APOL2: variants seen among roughly 807,000 people sequenced by gnomAD.
APOL2 encodes apolipoprotein L, 2.
APOL2 carries 8 observed loss-of-function variants against 7.1 expected under a neutral mutation model. The ratio of observed to expected loss-of-function variants is 1.12; its 90% confidence interval spans 0.66 to 2.03. The LOEUF is 2.03. APOL2 is among the 30% of genes most tolerant of loss of function. The probability of loss-of-function intolerance (pLI) is 0.00; values close to 1 mark genes in which losing one functional copy is unlikely to be tolerated. For synonymous variants in APOL2, 177 were observed against 159.9 expected, an observed-to-expected ratio of 1.11 and a Z score of -0.81; for missense variants, 471 against 415.1, an observed-to-expected ratio of 1.13 and a Z score of -1.17.
intron 4 of APOL2, among the ~76,000 whole-genome samples, chr22:36,229,253 C>A (rs1372766359): frequency 2.0e-5 from 3 of 152,212 alleles, no homozygotes; most frequent in African/African-American, 7.2e-5. Flanking sequence ...GAACCCCCCA[C>A]TCTGGCGTCT....
At chr22:36,239,687 G>A (rs2015537605), upstream of APOL2, 3 of 595,772 alleles carry the variant, frequency 5.0e-6, no homozygotes, top group Non-Finnish European at 9.0e-6. Flanking sequence ...GCACTTAGAG[G>A]AGCAGCCGCA....
intron 4 of APOL2, among the ~76,000 whole-genome samples, chr22:36,230,641 A>C (rs1410801627): frequency 2.0e-5 from 3 of 151,950 alleles, no homozygotes; most frequent in Non-Finnish European, 4.4e-5. Context: ...CCCACCTTTG[A>C]CCTGGAGTTG....
chr22:36,235,756 G>GGTGTGTGTGTGTGTGT (rs869225053), intron 1 of APOL2, among the ~76,000 whole-genome samples: 2 of 113,116 alleles, frequency 1.8e-5, no homozygotes, highest in Middle Eastern at 4.3e-3. Context: ...TGGGTGGGTG[G>GGTGTGTGTGTGTGTGT]GTGTGTGTGT....
chr22:36,229,259 C>T (rs540623898), intron 4 of APOL2, among the ~76,000 whole-genome samples: 7 of 152,292 alleles, frequency 4.6e-5, no homozygotes, highest in East Asian at 3.9e-4. Context: ...CCCACTCTGG[C>T]GTCTCCTGTC....
Position 36,239,502 on chromosome 22 carries a change from C to T in APOL2, c.-195G>A. The T allele has an allele frequency of 6.3e-7, 1 of 1,586,160 alleles. No individual in the cohort carries two copies. The highest frequency in any genetic ancestry group is 8.5e-7 in the Non-Finnish European group (1 of 1,172,956). ...CAACTGTTCTGAGCTGTGTGGATCCCACGTCCAGCTGTGCATCTGTGTAAT... is the reference window on the plus strand; with the variant it reads ...CAACTGTTCTGAGCTGTGTGGATCCTACGTCCAGCTGTGCATCTGTGTAAT... On this transcript the variant is annotated 5_prime_UTR_variant, in exon 1 of 5. An upstream open reading frame in the 5' UTR gains an earlier in-frame stop. Transcript: ENST00000358502.
Position 36,239,190 on chromosome 22 carries a change from C to T in APOL2, c.-134+251G>A, listed in dbSNP as rs150997502. ...GAGGGTGTCAGAACCAGAGCTGAGCCCGGGGAGCTTTGTGAACCCATCTAA... is the reference window on the plus strand; with the variant it reads ...GAGGGTGTCAGAACCAGAGCTGAGCTCGGGGAGCTTTGTGAACCCATCTAA... On this transcript the variant is annotated intron_variant, in intron 1 of 4. Transcript: ENST00000358502. 10,091 of 1,272,712 alleles carry T rather than the reference C, an allele frequency of 7.9e-3. 53 individuals are homozygous for T. Among genetic ancestry groups the T allele is most frequent in the Admixed American group, 9.2e-3 (249 of 27,194 alleles). 78.8% of individuals were successfully genotyped at this position (1,272,712 alleles called of 1,614,324 possible). A position where few individuals can be genotyped will look rare whatever the true frequency, so the allele number is the denominator to read the frequency against.
chr22:36,231,300 T>C, intron 4 of APOL2, 40 bp downstream of exon 4: 5 of 1,603,826 alleles, frequency 3.1e-6, no homozygotes, highest in Non-Finnish European at 4.3e-6. Context: ...CTGAGTGGCA[T>C]CGCTGGGGCG....
At position 36,226,326 on chromosome 22, in the gene APOL2, G is replaced by C. The variant is rs1293511890; in HGVS notation, c.*1078C>G. ...TAAACTGCTTTCATGCTAATCTTCTGACTGTTTACTTACCGGCTAAGAGCG... is the reference window on the plus strand; with the variant it reads ...TAAACTGCTTTCATGCTAATCTTCTCACTGTTTACTTACCGGCTAAGAGCG... On this transcript the variant is annotated 3_prime_UTR_variant, in exon 5 of 5. Coordinates refer to ENST00000358502, the MANE Select transcript of APOL2 (RefSeq NM_030882.4). 3 of 152,264 alleles carry C rather than the reference G, an allele frequency of 2.0e-5. No individual in the cohort carries two copies. Among genetic ancestry groups the C allele is most frequent in the Non-Finnish European group, 4.4e-5 (3 of 68,084 alleles). The allele number at this position is 152,264 out of a possible 1,614,324, so 9.4% of individuals were successfully genotyped here.
At chr22:36,237,099 T>C (rs1044504190) in intron 1 of APOL2, 1 of 1,534,312 alleles carries the variant, frequency 6.5e-7, no homozygotes, top group Non-Finnish European at 8.8e-7. Context: ...CAGGATCCCA[T>C]CCTCCTGGGT....
At position 36,227,187 on chromosome 22, in the gene APOL2, G is replaced by A; in HGVS notation, c.*217C>T. On this transcript the variant is annotated 3_prime_UTR_variant, in exon 5 of 5. Transcript: ENST00000358502. ...AAAAATTAGCCGGGCGTGGTGGCAGGTGCCTGTAGTCCCAGCTACTCGGGA... is the reference window on the plus strand; with the variant it reads ...AAAAATTAGCCGGGCGTGGTGGCAGATGCCTGTAGTCCCAGCTACTCGGGA... 2.1e-6 allele frequency: 1 copy of A among 483,146 alleles called. No individual in the cohort carries two copies. The highest frequency in any genetic ancestry group is 3.6e-5 in the East Asian group (1 of 27,822). 29.9% of individuals were successfully genotyped at this position (483,146 alleles called of 1,614,324 possible).
upstream of APOL2, chr22:36,239,732 C>T (rs2146987361): frequency 1.8e-6 from 1 of 552,716 alleles, no homozygotes; most frequent in East Asian, 3.0e-5. Context: ...TCCAACCCAC[C>T]TGCCTCACAT....
chr22:36,234,999 G>A (rs1012091257), intron 1 of APOL2, among the ~76,000 whole-genome samples: 3 of 152,216 alleles, frequency 2.0e-5, no homozygotes, highest in Non-Finnish European at 4.4e-5. Context: ...GAGATGCCAA[G>A]AGATGTTGGA....
intron 1 of APOL2, among the ~76,000 whole-genome samples, chr22:36,234,523 A>G (rs942314744): frequency 6.6e-6 from 1 of 152,238 alleles, no homozygotes; most frequent in African/African-American, 2.4e-5. Flanking sequence ...TATAGAGGAA[A>G]GTTCTTCACA....
chr22:36,237,381 G>T (rs2157251), intron 1 of APOL2: 260,018 of 1,265,410 alleles, frequency 0.21, 28,344 homozygotes, highest in Non-Finnish European at 0.22. Context: ...AGGGAAAGAG[G>T]AGTCGAAATG....
intron 1 of APOL2, chr22:36,239,043 A>C: frequency 2.1e-6 from 2 of 940,396 alleles, no homozygotes; most frequent in Non-Finnish European, 1.3e-6. Context: ...TGGCCCGGCC[A>C]CAAGGACATG....
intron 1 of APOL2, 154 bp downstream of exon 1, chr22:36,239,287 G>C (rs1234912140): frequency 7.4e-7 from 1 of 1,360,494 alleles, no homozygotes. Flanking sequence ...CTCAAGCCTG[G>C]GTGCAAATCC....
chr22:36,236,960 G>T, intron 1 of APOL2: 1 of 1,357,618 alleles, frequency 7.4e-7, no homozygotes. Context: ...GACACCCTAG[G>T]CCAGGGGAGC....
rs778468395 is a variant in APOL2, at chr22:36,228,212, T to A, written c.206A>T (p.Asn69Ile). The A allele has an allele frequency of 1.5e-5, 25 of 1,614,026 alleles. No homozygotes were observed. Among genetic ancestry groups the A allele is most frequent in the Non-Finnish European group, 1.9e-5 (23 of 1,180,028 alleles). Residue 69 changes from asparagine (N) to isoleucine (I), a missense_variant, in exon 5 of 5, where the codon AAC (asparagine) becomes ATC (isoleucine). Coordinates refer to ENST00000358502, the MANE Select transcript of APOL2 (RefSeq NM_030882.4). ...LASHMVMKDKNRHDKDQQHRQ... is the reference protein window; with the variant it reads ...LASHMVMKDKIRHDKDQQHRQ... ...GTGCTGCTGGTCTTTATCGTGGCGGTTTTTGTCCTTCATGACCATGTGACT... is the reference window on the plus strand; with the variant it reads ...GTGCTGCTGGTCTTTATCGTGGCGGATTTTGTCCTTCATGACCATGTGACT...
At chr22:36,236,200 A>G (rs1261795326) in intron 1 of APOL2, among the ~76,000 whole-genome samples, 1 of 152,238 alleles carries the variant, frequency 6.6e-6, no homozygotes, top group African/African-American at 2.4e-5. Flanking sequence ...TAACTTTGAG[A>G]ACAGAACAGA....
Sources: gnomAD v4.1 joint callset for allele counts (sites outside exome capture counted in the v4.1 genomes callset) on GRCh38, gnomAD v4.1.1 for gene constraint, MANE v1.5 for transcripts, NCBI Gene and HGNC (gene_info 2026-07-23, HGNC 2026-07-21) for gene names.